Variants in NKAIN3 observed in about 807,000 individuals in gnomAD.
NKAIN3 encodes the protein sodium/potassium-transporting ATPase subunit beta-1-interacting protein 3.
A neutral mutation model predicts 30.2 loss-of-function variants in NKAIN3; 25 were observed. The ratio of observed to expected loss-of-function variants is 0.83; its 90% CI spans 0.60 to 1.16. NKAIN3 has a LOEUF of 1.16. NKAIN3 is among the 50% of genes most tolerant of loss of function. The pLI is 0.00. For missense variants in NKAIN3, 225 were observed against 254.1 expected, an observed-to-expected ratio of 0.89 and a Z score of 0.78; for synonymous variants, 91 against 89.6, an observed-to-expected ratio of 1.02 and a Z score of -0.09.
chr8:62,500,336 C>T (rs1178137482), intron 1 of NKAIN3, among the ~76,000 whole-genome samples: 2 of 151,388 alleles, frequency 1.3e-5, no homozygotes, highest in African/African-American at 4.9e-5. Context: ...CCATGTCTTC[C>T]ATTACCAAGG....
At chr8:62,286,230 G>A (rs931120176) in intron 1 of NKAIN3, among the ~76,000 whole-genome samples, 3 of 152,130 alleles carry the variant, frequency 2.0e-5, no homozygotes, top group African/African-American at 7.2e-5. Flanking sequence ...GTAATAAATT[G>A]TGCAGGATTT....
At chr8:62,351,391 A>G (rs1037662614) in intron 1 of NKAIN3, among the ~76,000 whole-genome samples, 1 of 150,174 alleles carries the variant, frequency 6.7e-6, no homozygotes, top group Admixed American at 6.6e-5. Context: ...TTGTTGTATT[A>G]TAATTGTTTA....
chr8:62,698,821 T>C (rs959364479), intron 3 of NKAIN3, among the ~76,000 whole-genome samples: 3 of 152,254 alleles, frequency 2.0e-5, no homozygotes, highest in Non-Finnish European at 2.9e-5. Context: ...AAAAAGATAA[T>C]GGAAAGGACG....
chr8:62,452,305 A>G (rs1365465185), intron 1 of NKAIN3, among the ~76,000 whole-genome samples: 2 of 151,986 alleles, frequency 1.3e-5, no homozygotes, highest in Admixed American at 1.3e-4. Flanking sequence ...GCGAAACCAC[A>G]TCTCTACTAA....
chr8:62,905,196 G>A (rs1032332297), intron 4 of NKAIN3, among the ~76,000 whole-genome samples: 8 of 152,176 alleles, frequency 5.3e-5, no homozygotes, highest in Admixed American at 3.9e-4. Context: ...GCAGAGATGT[G>A]AGAACAGGGT....
At position 62,969,351 on chromosome 8, in the gene NKAIN3, AT is replaced by A. The variant is rs1368188304; in HGVS notation, c.*3945del. ...AAACTAGCTAAAATGTACATTGCAA[AT>A]CTGAAGAAAACAATCATGACTCTGC... On this transcript the variant is annotated 3_prime_UTR_variant, in exon 7 of 7. Coordinates refer to ENST00000623646, the MANE Select transcript of NKAIN3 (RefSeq NM_001304533.3). 6.6e-6 allele frequency among the ~76,000 whole-genome samples: 1 copy of A among 152,210 alleles called. No individual in the cohort carries two copies. Among genetic ancestry groups the A allele is most frequent in the East Asian group, 1.9e-4 (1 of 5,198 alleles).
intron 4 of NKAIN3, among the ~76,000 whole-genome samples, chr8:62,765,076 G>A (rs991476282): frequency 4.6e-5 from 7 of 151,868 alleles, no homozygotes; most frequent in Admixed American, 1.3e-4. Flanking sequence ...AACCTCGTCT[G>A]TACTAAAGAT....
intron 4 of NKAIN3, among the ~76,000 whole-genome samples, chr8:62,882,349 C>T (rs1202788769): frequency 1.3e-5 from 2 of 152,046 alleles, no homozygotes; most frequent in African/African-American, 2.4e-5. Flanking sequence ...GACGGAAGCT[C>T]GCTCTGTCGC....
chr8:62,254,437 C>T (rs1190831158), intron 1 of NKAIN3, among the ~76,000 whole-genome samples: 1 of 151,830 alleles, frequency 6.6e-6, no homozygotes, highest in Non-Finnish European at 1.5e-5. Context: ...GGACTTAATA[C>T]AAGGTGAGTA....
chr8:62,879,923 A>C (rs1181006559), intron 4 of NKAIN3, among the ~76,000 whole-genome samples: 1 of 152,088 alleles, frequency 6.6e-6, no homozygotes, highest in Non-Finnish European at 1.5e-5. Flanking sequence ...CCTCCATTCC[A>C]AGTCCTCCAT....
intron 1 of NKAIN3, among the ~76,000 whole-genome samples, chr8:62,366,183 G>C (rs1816731691): frequency 6.7e-6 from 1 of 149,798 alleles, no homozygotes; most frequent in Non-Finnish European, 1.5e-5. Context: ...TAGTTTGTTG[G>C]AGTATAATTC....
At chr8:62,372,296 T>A (rs1242641928) in intron 1 of NKAIN3, among the ~76,000 whole-genome samples, 3 of 151,980 alleles carry the variant, frequency 2.0e-5, no homozygotes, top group Admixed American at 2.0e-4. Context: ...AGATTATTAA[T>A]CTTCAGTCTT....
intron 1 of NKAIN3, among the ~76,000 whole-genome samples, chr8:62,560,531 C>CTTTTTTTTTTTTTTTT (rs869256384): frequency 8.8e-5 from 4 of 45,362 alleles, no homozygotes; most frequent in Non-Finnish European, 1.1e-4. Flanking sequence ...TTTTTCTTTT[C>CTTTTTTTTTTTTTTTT]TTTTTTTTTT....
chr8:62,849,387 C>T (rs1428807131), intron 4 of NKAIN3, among the ~76,000 whole-genome samples: 1 of 149,884 alleles, frequency 6.7e-6, no homozygotes, highest in Non-Finnish European at 1.5e-5. Context: ...CAATTTCTTC[C>T]TGATTCAGTC....
At position 62,546,279 on chromosome 8, in the gene NKAIN3, A is replaced by G. The variant is rs544884226; in HGVS notation, c.55-33260A>G. 3.8e-4 allele frequency among the ~76,000 whole-genome samples: 58 copies of G among 152,286 alleles called. No homozygotes were observed. The South Asian group carries it at 0.012, about 32-fold the overall frequency. ...CATACTACAATCTCATTCATTTCCT[A>G]GGCATGATATTAGAGTAGATATAAG... On this transcript the variant is annotated intron_variant, in intron 1 of 6. Transcript: ENST00000623646.
At chr8:62,691,603 T>G (rs961509458) in intron 3 of NKAIN3, among the ~76,000 whole-genome samples, 14 of 152,232 alleles carry the variant, frequency 9.2e-5, no homozygotes, top group Non-Finnish European at 1.9e-4. Context: ...TTTGAGAATG[T>G]TAAATTCTAA....
intron 1 of NKAIN3, among the ~76,000 whole-genome samples, chr8:62,496,232 A>C (rs1807232572): frequency 6.6e-6 from 1 of 152,166 alleles, no homozygotes; most frequent in African/African-American, 2.4e-5. Context: ...GAAATAAGCT[A>C]TCTTAAACTA....
rs981574054 is a variant in NKAIN3, at chr8:62,524,726, G to A, written c.55-54813G>A. 7.2e-5 allele frequency among the ~76,000 whole-genome samples: 11 copies of A among 152,170 alleles called. 1 individual carries two copies. The highest frequency in any genetic ancestry group is 4.6e-4 in the Admixed American group (7 of 15,260). ...TGCTTTCTTTGCAAAGGTTTTAAGC[G>A]GAAGAGCTGTGATATTTTCCCTCTT... On this transcript the variant is annotated intron_variant, in intron 1 of 6. Coordinates refer to ENST00000623646, the MANE Select transcript of NKAIN3 (RefSeq NM_001304533.3).
intron 1 of NKAIN3, among the ~76,000 whole-genome samples, chr8:62,289,365 TC>T (rs1436271337): frequency 6.6e-6 from 1 of 152,232 alleles, no homozygotes; most frequent in African/African-American, 2.4e-5. Flanking sequence ...CTAGGGTTTT[TC>T]TGGTTTTAGG....
Sources: allele counts gnomAD v4.1 joint callset (sites outside exome capture counted in the v4.1 genomes callset), GRCh38; gene constraint gnomAD v4.1.1; transcripts MANE v1.5; gene names NCBI Gene and HGNC (gene_info 2026-07-23, HGNC 2026-07-21).